Variants in SSBP2 observed in about 807,000 individuals in gnomAD.
The protein encoded by SSBP2 is single-stranded DNA-binding protein 2.
In SSBP2, 17 loss-of-function variants were observed where a neutral mutation model predicts 61.8. That is an observed-to-expected ratio of 0.28 (90% CI 0.19 to 0.41). SSBP2 has a LOEUF of 0.41. SSBP2 is among the 10% of genes least tolerant of loss of function. The pLI, the probability that SSBP2 is intolerant of heterozygous loss-of-function variation, is 1.00. For missense variants in SSBP2, 310 were observed against 458.7 expected, an observed-to-expected ratio of 0.68 and a Z score of 2.96; for synonymous variants, 139 against 141.3, an observed-to-expected ratio of 0.98 and a Z score of 0.12.
chr5:81,613,795 C>G (rs1266155512), intron 4 of SSBP2, among the ~76,000 whole-genome samples: 1 of 152,152 alleles, frequency 6.6e-6, no homozygotes, highest in Non-Finnish European at 1.5e-5. Flanking sequence ...CCCACTCTAT[C>G]CAATTCCTCA....
chr5:81,650,730 C>T (rs887454549), intron 1 of SSBP2, among the ~76,000 whole-genome samples: 2 of 152,010 alleles, frequency 1.3e-5, no homozygotes, highest in African/African-American at 4.8e-5. Context: ...ACTTTATGTC[C>T]TTCAATCTTT....
chr5:81,655,097 C>T (rs1945872294), intron 1 of SSBP2, among the ~76,000 whole-genome samples: 1 of 152,008 alleles, frequency 6.6e-6, no homozygotes, highest in Admixed American at 6.6e-5. Flanking sequence ...CTGCAGTGAG[C>T]TATGATCCAT....
At chr5:81,705,136 C>T (rs1754275473) in intron 1 of SSBP2, among the ~76,000 whole-genome samples, 1 of 152,012 alleles carries the variant, frequency 6.6e-6, no homozygotes. Context: ...CATCCACTTA[C>T]CCACCCATTC....
At chr5:81,499,988 T>C (rs992981859) in intron 5 of SSBP2, among the ~76,000 whole-genome samples, 9 of 152,208 alleles carry the variant, frequency 5.9e-5, no homozygotes, top group Non-Finnish European at 7.3e-5. Context: ...TGGTAGTCCT[T>C]TCAAATTCCC....
At position 81,529,603 on chromosome 5, in the gene SSBP2, T is replaced by C. The variant is rs142643448; in HGVS notation, c.283-15886A>G. On this transcript the variant is annotated intron_variant, in intron 4 of 16. Transcript: ENST00000320672. ...ACAGAAAGGGGAAAACAACCACACA[T>C]TGGTTTAATTTCATGGGAGACAGTC... 3.7e-3 allele frequency among the ~76,000 whole-genome samples: 556 copies of C among 152,212 alleles called. 6 individuals are homozygous for C. Among genetic ancestry groups the C allele is most frequent in the Admixed American group, 0.032 (496 of 15,264 alleles).
At chr5:81,545,169 T>C (rs980025437) in intron 4 of SSBP2, among the ~76,000 whole-genome samples, 7 of 152,350 alleles carry the variant, frequency 4.6e-5, no homozygotes, top group Admixed American at 3.9e-4. Flanking sequence ...AGTATAAGTA[T>C]GCCTTATACA....
intron 4 of SSBP2, among the ~76,000 whole-genome samples, chr5:81,593,051 G>C (rs537726729): frequency 6.6e-6 from 1 of 152,270 alleles, no homozygotes; most frequent in Admixed American, 6.5e-5. Context: ...CTGAGCTACA[G>C]GAGGAAATCT....
intron 2 of SSBP2, among the ~76,000 whole-genome samples, chr5:81,647,727 C>A (rs1336607582): frequency 6.6e-6 from 1 of 152,062 alleles, no homozygotes; most frequent in African/African-American, 2.4e-5. Context: ...ATTCAAAATG[C>A]AGCCAGAGAA....
intron 1 of SSBP2, among the ~76,000 whole-genome samples, chr5:81,703,554 T>TATA (rs549881122): frequency 6.6e-6 from 1 of 151,744 alleles, no homozygotes; most frequent in African/African-American, 2.4e-5. Context: ...AAACTTAAAG[T>TATA]ATAATAATAA....
chr5:81,586,951 T>G (rs1775103079), intron 4 of SSBP2, among the ~76,000 whole-genome samples: 1 of 152,062 alleles, frequency 6.6e-6, no homozygotes, highest in Admixed American at 6.6e-5. Context: ...TCACATATAT[T>G]ATCACAAGTA....
At chr5:81,473,440 G>T (rs1765382403) in intron 8 of SSBP2, among the ~76,000 whole-genome samples, 1 of 152,090 alleles carries the variant, frequency 6.6e-6, no homozygotes, top group Non-Finnish European at 1.5e-5. Flanking sequence ...CCTGGTGTGT[G>T]TTGTTCCCCT....
chr5:81,726,027 A>G (rs1351303462), intron 1 of SSBP2, among the ~76,000 whole-genome samples: 2 of 152,236 alleles, frequency 1.3e-5, no homozygotes, highest in Non-Finnish European at 2.9e-5. Context: ...ATGTGTGCAT[A>G]AAACAGCACC....
At chr5:81,547,773 T>C (rs1277290098) in intron 4 of SSBP2, among the ~76,000 whole-genome samples, 4 of 152,106 alleles carry the variant, frequency 2.6e-5, no homozygotes, top group Non-Finnish European at 4.4e-5. Flanking sequence ...GTGCCCAGCT[T>C]AGAAAACTTA....
intron 4 of SSBP2, among the ~76,000 whole-genome samples, chr5:81,561,998 G>T (rs548014088): frequency 1.9e-4 from 29 of 152,118 alleles, no homozygotes; most frequent in Admixed American, 6.5e-4. Flanking sequence ...TCCATCTCCC[G>T]AGTTCAAGCG....
At chr5:81,434,656 A>AAAAAAAAC (rs1762560044) in intron 15 of SSBP2, among the ~76,000 whole-genome samples, 1 of 151,190 alleles carries the variant, frequency 6.6e-6, no homozygotes, top group Admixed American at 6.6e-5. Flanking sequence ...AAAAAAAAAA[A>AAAAAAAAC]AGACACAAAA....
intron 8 of SSBP2, among the ~76,000 whole-genome samples, chr5:81,473,221 T>C (rs1765366079): frequency 6.6e-6 from 1 of 152,198 alleles, no homozygotes; most frequent in Non-Finnish European, 1.5e-5. Flanking sequence ...CACTGATTTT[T>C]CTCAGTGTTC....
chr5:81,571,511 T>C (rs891405743), intron 4 of SSBP2, among the ~76,000 whole-genome samples: 8 of 152,158 alleles, frequency 5.3e-5, no homozygotes, highest in African/African-American at 1.9e-4. Context: ...GTTCAACTTA[T>C]AATGACCTAA....
chr5:81,578,218 T>C (rs1774379059), intron 4 of SSBP2, among the ~76,000 whole-genome samples: 1 of 152,040 alleles, frequency 6.6e-6, no homozygotes, highest in African/African-American at 2.4e-5. Context: ...AAGTCAACAA[T>C]ATCATGTTAG....
At chr5:81,705,767 C>CA in intron 1 of SSBP2, among the ~76,000 whole-genome samples, 1 of 151,946 alleles carries the variant, frequency 6.6e-6, no homozygotes, top group East Asian at 1.9e-4. Flanking sequence ...CTTAAAATGG[C>CA]AAAACATTTT....
Sources: allele counts gnomAD v4.1 joint callset (sites outside exome capture counted in the v4.1 genomes callset), GRCh38; gene constraint gnomAD v4.1.1; transcripts MANE v1.5; gene names NCBI Gene and HGNC (gene_info 2026-07-23, HGNC 2026-07-21).